Variants in AHRR observed in about 807,000 individuals in gnomAD.
AHRR encodes aryl hydrocarbon receptor repressor.
Under a neutral mutation model 44.0 loss-of-function variants are expected in AHRR, and 28 were observed. The observed-to-expected ratio is 0.64, with a 90% confidence interval of 0.47 to 0.87. The LOEUF is 0.87. Ranked by LOEUF, AHRR falls within the 40% of genes least tolerant of loss-of-function variation. The pLI is 0.00. For synonymous variants in AHRR, 434 were observed against 407.0 expected, an observed-to-expected ratio of 1.07 and a Z score of -0.80; for missense variants, 990 against 953.9, an observed-to-expected ratio of 1.04 and a Z score of -0.50.
Position 434,349 on chromosome 5 carries a change from A to G in AHRR, c.1609A>G (p.Lys537Glu), listed in dbSNP as rs753027952. 16 of 1,613,066 alleles carry G rather than the reference A, an allele frequency of 9.9e-6. No individual in the cohort carries two copies. In the South Asian group the frequency reaches 1.8e-4, roughly 18 times the overall value. The change falls in exon 11 of 11, where the codon AAG becomes GAG. Residue 537 changes from lysine (K) to glutamate (E), a missense_variant. Physicochemically the swap from Lys to Glu is moderately conservative, Grantham distance 56. Transcript: ENST00000684583. ...GCTAGATGTGTCCATCAAGATGGAG[A>G]AGGACTCTGGGTGTGAGGGTGCTGC... ...LLLDVSIKME[K>E]DSGCEGAADG...
At chr5:356,449 C>T (rs1229423558) in intron 3 of AHRR, among the ~76,000 whole-genome samples, 1 of 151,354 alleles carries the variant, frequency 6.6e-6, no homozygotes, top group East Asian at 1.9e-4. Context: ...AGGACCCCTG[C>T]AGTCAGCGAC....
At chr5:329,881 T>A (rs1240334929) in intron 1 of AHRR, among the ~76,000 whole-genome samples, 1 of 152,180 alleles carries the variant, frequency 6.6e-6, no homozygotes, top group Non-Finnish European at 1.5e-5. Flanking sequence ...AATCTTTAGG[T>A]TTTTTTAGAT....
chr5:435,004 C>T lies in AHRR; in HGVS notation c.*170C>T, dbSNP rs1736945581. ...TGTGCAGCATACGCAGGAGCCTATC[C>T]TGAATTTTGTAAAATATCCCAACAG... On this transcript the variant is annotated 3_prime_UTR_variant, in exon 11 of 11. Coordinates refer to ENST00000684583, the MANE Select transcript of AHRR (RefSeq NM_001377236.1). 7 of 969,002 alleles carry T rather than the reference C, an allele frequency of 7.2e-6. No homozygotes were observed. Among genetic ancestry groups the T allele is most frequent in the South Asian group, 1.9e-5 (1 of 53,696 alleles). The allele number at this position is 969,002 out of a possible 1,614,324, so 60.0% of individuals were successfully genotyped here. A position where few individuals can be genotyped will look rare whatever the true frequency, so the allele number is the denominator to read the frequency against.
chr5:434,839 G>T lies in AHRR; in HGVS notation c.*5G>T. 11 of 1,539,878 alleles carry T rather than the reference G, an allele frequency of 7.1e-6. No individual in the cohort carries two copies. Among genetic ancestry groups the T allele is most frequent in the Non-Finnish European group, 9.7e-6 (11 of 1,138,968 alleles). ...GGGTGCACATTCCTGCCATAGCGCAGTGACCACCATCCAAGCTCAGATCTG... is the reference window on the plus strand; with the variant it reads ...GGGTGCACATTCCTGCCATAGCGCATTGACCACCATCCAAGCTCAGATCTG... On this transcript the variant is annotated 3_prime_UTR_variant, in exon 11 of 11. Coordinates refer to ENST00000684583, the MANE Select transcript of AHRR (RefSeq NM_001377236.1).
At chr5:351,636 A>G (rs2721040) in intron 2 of AHRR, among the ~76,000 whole-genome samples, 107,143 of 152,094 alleles carry the variant, frequency 0.7, 38,337 homozygotes, top group African/African-American at 0.77. Context: ...GTTTCCTTCA[A>G]GGTTGGAACT....
At chr5:429,267 G>A (rs1736608866) in intron 8 of AHRR, among the ~76,000 whole-genome samples, 1 of 140,046 alleles carries the variant, frequency 7.1e-6, no homozygotes, top group Non-Finnish European at 1.6e-5. Flanking sequence ...GGGCTGGGCC[G>A]CCAGGATGCC....
intron 4 of AHRR, among the ~76,000 whole-genome samples, chr5:379,533 G>C (rs1733892674): frequency 6.6e-6 from 1 of 152,164 alleles, no homozygotes. Context: ...TTTTTTCAAA[G>C]CCATTTTAAT....
rs190533214 is a variant in AHRR, at chr5:414,631, C to T, written c.441+1198C>T. Among the ~76,000 whole-genome samples the T allele has an allele frequency of 7.8e-3, 1,182 of 152,246 alleles. 4 individuals are homozygous for T. The highest frequency in any genetic ancestry group is 0.013 in the Non-Finnish European group (860 of 68,016). On this transcript the variant is annotated intron_variant, in intron 5 of 10. Coordinates refer to ENST00000684583, the MANE Select transcript of AHRR (RefSeq NM_001377236.1). ...AAACAAACCGTGCTTCCTGGAAGAA[C>T]TTAAGGAGCAAAGCCGTCCAAAGGA...
Position 432,499 on chromosome 5 carries a change from G to A in AHRR, c.945G>A (p.Leu315=). The change falls in exon 9 of 11, where the codon CTG becomes CTA. Residue 315 remains leucine, a synonymous_variant. Transcript: ENST00000684583. ...CCACCAGTCTGTGCGAATCGGAACT[G>A]CATGGAAAACCCAATTACTCAGCAG... ...KATTSLCESE[L]HGKPNYSAGR... The A allele has an allele frequency of 6.2e-7, 1 of 1,614,202 alleles. No individual in the cohort carries two copies. The highest frequency in any genetic ancestry group is 8.5e-7 in the Non-Finnish European group (1 of 1,180,018).
intron 7 of AHRR, among the ~76,000 whole-genome samples, chr5:426,627 GTGGA>G (rs1303551246): frequency 2.2e-5 from 3 of 138,264 alleles, no homozygotes; most frequent in African/African-American, 7.9e-5. Context: ...GGACGGATGG[GTGGA>G]TGGATGGATG....
intron 3 of AHRR, among the ~76,000 whole-genome samples, chr5:361,728 C>T (rs541687907): frequency 6.6e-6 from 1 of 152,344 alleles, no homozygotes; most frequent in Admixed American, 6.5e-5. Flanking sequence ...TGGGGAGTTC[C>T]ATCCCATGCC....
chr5:376,078 G>A (rs377752198), intron 3 of AHRR, among the ~76,000 whole-genome samples: 13 of 152,326 alleles, frequency 8.5e-5, no homozygotes, highest in African/African-American at 2.6e-4. Flanking sequence ...AGGGGGCTGC[G>A]TGGGTTCCAG....
At chr5:421,199 T>A (rs1283265184) in intron 5 of AHRR, 6 of 664,462 alleles carry the variant, frequency 9.0e-6, no homozygotes, top group Non-Finnish European at 1.6e-5. Flanking sequence ...CAGGAGGCCC[T>A]TGCGGACCCA....
At chr5:350,498 C>A (rs1742822708) in intron 2 of AHRR, among the ~76,000 whole-genome samples, 2 of 152,178 alleles carry the variant, frequency 1.3e-5, no homozygotes, top group Non-Finnish European at 2.9e-5. Flanking sequence ...CGTATCCTGT[C>A]CGTGGCCTGT....
chr5:377,125 G>A (rs1242827649), intron 4 of AHRR, among the ~76,000 whole-genome samples: 2 of 152,114 alleles, frequency 1.3e-5, no homozygotes, highest in Non-Finnish European at 2.9e-5. Context: ...TCTTGGGGTG[G>A]CCTGTGTGAC....
intron 4 of AHRR, among the ~76,000 whole-genome samples, chr5:408,737 G>A (rs1735366453): frequency 6.6e-6 from 1 of 152,014 alleles, no homozygotes; most frequent in East Asian, 1.9e-4. Context: ...CTATGCTCTG[G>A]AACAATTTAT....
intron 4 of AHRR, among the ~76,000 whole-genome samples, chr5:384,527 G>A (rs1156674410): frequency 3.9e-5 from 6 of 152,034 alleles, no homozygotes; most frequent in East Asian, 1.9e-4. Context: ...GGGTTCAAGC[G>A]ATTCTCCTGC....
At chr5:428,896 C>T (rs1736589743) in intron 8 of AHRR, among the ~76,000 whole-genome samples, 2 of 151,918 alleles carry the variant, frequency 1.3e-5, no homozygotes, top group Admixed American at 6.6e-5. Context: ...GAATCATGCC[C>T]CAGCTGAGCT....
chr5:434,906 T>G lies in AHRR; in HGVS notation c.*72T>G, dbSNP rs1058337. Reference sequence around the variant, plus strand: ...TGCGTCGGTGGCTGGGCTGCCCTGCTCCTGGTCAGGCCGGAGCCCGTCCTA... The same window carrying G: ...TGCGTCGGTGGCTGGGCTGCCCTGCGCCTGGTCAGGCCGGAGCCCGTCCTA... On this transcript the variant is annotated 3_prime_UTR_variant, in exon 11 of 11. Coordinates refer to ENST00000684583, the MANE Select transcript of AHRR (RefSeq NM_001377236.1). 259,882 of 1,483,706 alleles carry G rather than the reference T, an allele frequency of 0.18. 25,463 individuals are homozygous for G. The highest frequency in any genetic ancestry group is 0.2 in the Non-Finnish European group (223,970 of 1,110,810). The allele number at this position is 1,483,706 out of a possible 1,614,324, so 91.9% of individuals were successfully genotyped here. A position where few individuals can be genotyped will look rare whatever the true frequency, so the allele number is the denominator to read the frequency against.
Sources: allele counts gnomAD v4.1 joint callset (sites outside exome capture counted in the v4.1 genomes callset), GRCh38; gene constraint gnomAD v4.1.1; transcripts MANE v1.5; gene names NCBI Gene and HGNC (gene_info 2026-07-23, HGNC 2026-07-21).